Variants in ADAMTS16 observed in about 807,000 individuals in gnomAD.
ADAMTS16 encodes ADAM metallopeptidase with thrombospondin type 1 motif 16.
A neutral mutation model predicts 145.8 loss-of-function variants in ADAMTS16; 94 were observed. The ratio of observed to expected loss-of-function variants is 0.64; its 90% confidence interval spans 0.55 to 0.77. ADAMTS16 has a LOEUF of 0.77. ADAMTS16 is among the 30% of genes least tolerant of loss of function. The probability of loss-of-function intolerance (pLI) is 0.00; values close to 1 mark genes in which losing one functional copy is unlikely to be tolerated. For missense variants in ADAMTS16, 1,585 were observed against 1,591.5 expected (o/e 1.00, Z 0.07); for synonymous variants, 659 against 604.3 (o/e 1.09, Z -1.33).
intron 18 of ADAMTS16, among the ~76,000 whole-genome samples, chr5:5,284,421 C>A (rs1303806874): frequency 2.6e-5 from 4 of 152,198 alleles, no homozygotes; most frequent in Non-Finnish European, 5.9e-5. Context: ...ACAATCTTCA[C>A]CACAGTTGTT....
At chr5:5,298,566 C>G (rs1739641591) in intron 18 of ADAMTS16, among the ~76,000 whole-genome samples, 1 of 152,238 alleles carries the variant, frequency 6.6e-6, no homozygotes, top group South Asian at 2.1e-4. Flanking sequence ...ATCCTGGCCT[C>G]TGTACTTTCA....
At chr5:5,202,441 G>A (rs938757488) in intron 9 of ADAMTS16, among the ~76,000 whole-genome samples, 4 of 152,144 alleles carry the variant, frequency 2.6e-5, no homozygotes, top group African/African-American at 7.2e-5. Context: ...ATGATGCATA[G>A]GAGTACATTT....
intron 10 of ADAMTS16, among the ~76,000 whole-genome samples, chr5:5,219,898 C>T (rs953145974): frequency 6.6e-6 from 1 of 152,180 alleles, no homozygotes; most frequent in African/African-American, 2.4e-5. Context: ...CTCCCCAAAA[C>T]TAAAACCTAA....
chr5:5,206,356 G>T lies in ADAMTS16; in HGVS notation c.1452-2737G>T, dbSNP rs560014245. On this transcript the variant is annotated intron_variant, in intron 9 of 22. Coordinates refer to ENST00000274181, the MANE Select transcript of ADAMTS16 (RefSeq NM_139056.4). Reference sequence around the variant, plus strand: ...CAGGAGAATGGCGTGAACCCGGGAGGCGGAGCTTGCAGTGAGCCGAGATCC... The same window carrying T: ...CAGGAGAATGGCGTGAACCCGGGAGTCGGAGCTTGCAGTGAGCCGAGATCC... 3.9e-5 allele frequency among the ~76,000 whole-genome samples: 5 copies of T among 129,852 alleles called. No individual in the cohort carries two copies. In the South Asian group the frequency reaches 1.4e-3, roughly 37 times the overall value. 85.2% of individuals were successfully genotyped at this position (129,852 alleles called of 152,430 possible).
chr5:5,159,537 A>G (rs2126524404), intron 3 of ADAMTS16, among the ~76,000 whole-genome samples: 1 of 152,336 alleles, frequency 6.6e-6, no homozygotes, highest in Non-Finnish European at 1.5e-5. Context: ...TGTAATACAA[A>G]TAAAATCTAA....
chr5:5,315,662 T>C (rs1388359135), intron 21 of ADAMTS16, among the ~76,000 whole-genome samples: 1 of 152,164 alleles, frequency 6.6e-6, no homozygotes. Context: ...CTCGGCGCAC[T>C]GTGTGAGCTA....
chr5:5,301,871 C>G (rs1739792079), intron 18 of ADAMTS16, among the ~76,000 whole-genome samples: 1 of 152,224 alleles, frequency 6.6e-6, no homozygotes, highest in African/African-American at 2.4e-5. Flanking sequence ...CAGGCAGAGC[C>G]TCGCAGGCGA....
Position 5,303,745 on chromosome 5 carries a change from G to A in ADAMTS16, c.3165G>A (p.Trp1055Ter). 6.2e-7 allele frequency: 1 copy of A among 1,613,148 alleles called. No homozygotes were observed. Among genetic ancestry groups the A allele is most frequent in the Non-Finnish European group, 8.5e-7 (1 of 1,179,994 alleles). Residue 1055 changes from tryptophan (W) to a stop codon, truncating the protein, a stop_gained, in exon 20 of 23, where the codon TGG (tryptophan) becomes TGA (stop). Transcript: ENST00000274181. LOFTEE classifies it high-confidence loss of function. ...QRCHKPKKLQWLVSAWSQCSV... is the reference protein window; with the variant it reads ...QRCHKPKKLQ ...GCCACAAGCCCAAGAAGCTGCAGTG[G>A]CTGGTGTCCGCCTGGTCCCAGGTAG...
intron 18 of ADAMTS16, among the ~76,000 whole-genome samples, chr5:5,267,984 T>C (rs1738311342): frequency 1.3e-5 from 2 of 152,164 alleles, no homozygotes; most frequent in African/African-American, 4.8e-5. Context: ...TGAACCATGG[T>C]CCCATTAGGC....
At chr5:5,147,108 C>T (rs1011275260) in intron 3 of ADAMTS16, among the ~76,000 whole-genome samples, 2 of 152,172 alleles carry the variant, frequency 1.3e-5, no homozygotes, top group Non-Finnish European at 2.9e-5. Flanking sequence ...TAAGAATCTA[C>T]CTGCATCCCT....
intron 10 of ADAMTS16, among the ~76,000 whole-genome samples, chr5:5,214,569 A>G (rs547673672): frequency 1.3e-5 from 2 of 152,138 alleles, no homozygotes; most frequent in African/African-American, 4.8e-5. Flanking sequence ...TGCCTGGCTA[A>G]TTTTTTGTAT....
At chr5:5,315,172 A>C (rs1317961864) in intron 21 of ADAMTS16, among the ~76,000 whole-genome samples, 1 of 152,218 alleles carries the variant, frequency 6.6e-6, no homozygotes, top group Admixed American at 6.5e-5. Context: ...GAAAGGGGGA[A>C]AAGCCCCTTG....
intron 18 of ADAMTS16, among the ~76,000 whole-genome samples, chr5:5,294,735 G>A (rs947427256): frequency 7.9e-5 from 12 of 152,206 alleles, no homozygotes; most frequent in Non-Finnish European, 1.3e-4. Flanking sequence ...GGAAAGCCGA[G>A]TCTGTGTGAT....
rs560465432 is a variant in ADAMTS16 at position 5,299,267 on chromosome 5, T to G, written c.2790-4001T>G. On this transcript the variant is annotated intron_variant, in intron 18 of 22. Coordinates refer to ENST00000274181, the MANE Select transcript of ADAMTS16 (RefSeq NM_139056.4). ...CAAACAAAAGACACTGAAACTAAAT[T>G]CTAAAAGGGAGGGCTCAGGGAGACT... Among the ~76,000 whole-genome samples, 159 of 152,292 alleles carry G rather than the reference T, an allele frequency of 1.0e-3. 1 individual carries two copies. The South Asian group carries it at 0.018, about 17-fold the overall frequency.
chr5:5,284,867 G>A (rs1739049511), intron 18 of ADAMTS16, among the ~76,000 whole-genome samples: 1 of 152,176 alleles, frequency 6.6e-6, no homozygotes, highest in Non-Finnish European at 1.5e-5. Context: ...ATTCTGACCA[G>A]GGAATTTCCA....
chr5:5,239,422 T>C, intron 15 of ADAMTS16, 148 bp downstream of exon 15: 1 of 1,286,972 alleles, frequency 7.8e-7, no homozygotes, highest in Admixed American at 2.7e-5. Flanking sequence ...TTCTCGAGCC[T>C]CTTGCTTTGA....
chr5:5,186,023 C>T, intron 4 of ADAMTS16, 29 bp from the exon 5 acceptor site: 1 of 1,584,834 alleles, frequency 6.3e-7, no homozygotes, highest in Non-Finnish European at 8.6e-7. Context: ...ACTTGTGCTT[C>T]CATTTGCCCT....
In ADAMTS16 at chr5:5,269,844, T is replaced by G. The variant is rs1388029751; in HGVS notation, c.2789+7061T>G. On this transcript the variant is annotated intron_variant, in intron 18 of 22. Coordinates refer to ENST00000274181, the MANE Select transcript of ADAMTS16 (RefSeq NM_139056.4). This position sits in a 1 kb window ranked among gnomAD's most constrained non-coding sequence, Gnocchi z 4.3. Reference sequence around the variant, plus strand: ...CTTGACTCTCTCAAACACGGTTTAATACACACATGCTGTCAAGAGCACTGT... The same window carrying G: ...CTTGACTCTCTCAAACACGGTTTAAGACACACATGCTGTCAAGAGCACTGT... Among the ~76,000 whole-genome samples the G allele has an allele frequency of 1.3e-5, 2 of 152,182 alleles. No homozygotes were observed. Among genetic ancestry groups the G allele is most frequent in the African/African-American group, 4.8e-5 (2 of 41,446 alleles).
Position 5,301,614 on chromosome 5 carries a change from G to A in ADAMTS16, c.2790-1654G>A, listed in dbSNP as rs1466438455. 2.0e-5 allele frequency among the ~76,000 whole-genome samples: 3 copies of A among 152,188 alleles called. No individual in the cohort carries two copies. In the East Asian group the frequency reaches 5.8e-4, roughly 29 times the overall value. On this transcript the variant is annotated intron_variant, in intron 18 of 22. Coordinates refer to ENST00000274181, the MANE Select transcript of ADAMTS16 (RefSeq NM_139056.4). ...CCCAGGTGCCGTGGCTGCTGCCAGA[G>A]GCACCTCCGGAGTTCCTGGCCAAGC...
Sources: allele counts gnomAD v4.1 joint callset (sites outside exome capture counted in the v4.1 genomes callset), GRCh38; gene constraint gnomAD v4.1.1; non-coding constraint Gnocchi (gnomAD v3.1); transcripts MANE v1.5; gene names NCBI Gene and HGNC (gene_info 2026-07-23, HGNC 2026-07-21).